MYO10: variants seen among roughly 807,000 people sequenced by gnomAD.
MYO10 encodes unconventional myosin-X.
A neutral mutation model predicts 257.3 loss-of-function variants in MYO10; 133 were observed. That is an observed-to-expected ratio of 0.52 (90% CI 0.45 to 0.60). The LOEUF is 0.60. Ranked by LOEUF, MYO10 falls within the 20% of genes least tolerant of loss-of-function variation. MYO10 has a pLI of 0.00. For missense variants in MYO10, 2,399 were observed against 2,635.7 expected, an observed-to-expected ratio of 0.91 and a Z score of 1.97; for synonymous variants, 1,104 against 1,028.6, an observed-to-expected ratio of 1.07 and a Z score of -1.40.
chr5:16,683,421 G>GAAGAAATGTC (rs1737100180), intron 30 of MYO10, among the ~76,000 whole-genome samples: 1 of 152,126 alleles, frequency 6.6e-6, no homozygotes. Flanking sequence ...TGCCAAGAAA[G>GAAGAAATGTC]AAGAAATGTC....
At chr5:16,715,387 T>C (rs996223281) in intron 19 of MYO10, among the ~76,000 whole-genome samples, 18 of 118,638 alleles carry the variant, frequency 1.5e-4, no homozygotes, top group African/African-American at 4.4e-4. Flanking sequence ...TGCCGTAAGA[T>C]TGAAATTTTT....
intron 2 of MYO10, among the ~76,000 whole-genome samples, chr5:16,852,524 G>A (rs1259671925): frequency 2.0e-5 from 3 of 151,476 alleles, no homozygotes; most frequent in Admixed American, 6.6e-5. Context: ...ATTTCTTAAC[G>A]GTTTTGTGAA....
rs140263353 is a variant in MYO10 at position 16,736,970 on chromosome 5, C to T, written c.1929+17858G>A. Among the ~76,000 whole-genome samples the T allele has an allele frequency of 4.4e-3, 664 of 152,208 alleles. 17 individuals carry two copies. The highest frequency in any genetic ancestry group is 0.036 in the Admixed American group (556 of 15,276). On this transcript the variant is annotated intron_variant, in intron 19 of 40. Coordinates refer to ENST00000513610, the MANE Select transcript of MYO10 (RefSeq NM_012334.3). Reference sequence around the variant, plus strand: ...CGTAAGAAAACACGACCAAAGTATGCCTACGAGATTTCATATTCAAATCAT... The same window carrying T: ...CGTAAGAAAACACGACCAAAGTATGTCTACGAGATTTCATATTCAAATCAT...
chr5:16,903,486 G>A (rs1342972476), intron 1 of MYO10, among the ~76,000 whole-genome samples: 9 of 152,270 alleles, frequency 5.9e-5, no homozygotes, highest in African/African-American at 1.9e-4. Context: ...ACTTGCCCAC[G>A]GTCCCAGAGC....
At chr5:16,811,084 A>G (rs1423802507) in intron 3 of MYO10, among the ~76,000 whole-genome samples, 2 of 151,520 alleles carry the variant, frequency 1.3e-5, no homozygotes, top group Non-Finnish European at 2.9e-5. Context: ...AAAAAAAAAA[A>G]ACAAAAAGAA....
chr5:16,761,959 A>G, intron 16 of MYO10, 86 bp downstream of exon 16: 2 of 1,370,626 alleles, frequency 1.5e-6, no homozygotes, highest in Non-Finnish European at 9.7e-7. Flanking sequence ...GCCCAGCCCA[A>G]TAAATTCATG....
At chr5:16,712,962 G>A (rs1369781175) in intron 19 of MYO10, among the ~76,000 whole-genome samples, 1 of 152,174 alleles carries the variant, frequency 6.6e-6, no homozygotes, top group Non-Finnish European at 1.5e-5. Flanking sequence ...GGGTTGGGGG[G>A]TGGCTGACTG....
Position 16,688,454 on chromosome 5 carries a change from C to T in MYO10, c.3896+1370G>A, listed in dbSNP as rs1427163455. ...GATGTTACCCTCGTAAATTAAAAGA[C>T]GTTCTCAGCCAGGAAGAGGCTCACG... On this transcript the variant is annotated intron_variant, in intron 28 of 40. Transcript: ENST00000513610. 7.2e-5 allele frequency among the ~76,000 whole-genome samples: 11 copies of T among 152,126 alleles called. No homozygotes were observed. In the East Asian group the frequency reaches 1.2e-3, roughly 16 times the overall value.
At chr5:16,824,257 C>G (rs191570540) in intron 2 of MYO10, among the ~76,000 whole-genome samples, 1 of 151,746 alleles carries the variant, frequency 6.6e-6, no homozygotes, top group Non-Finnish European at 1.5e-5. Context: ...TCCTCTCACA[C>G]TAGCTTGGCT....
chr5:16,753,280 C>A (rs1429384358), intron 19 of MYO10, among the ~76,000 whole-genome samples: 1 of 152,062 alleles, frequency 6.6e-6, no homozygotes, highest in African/African-American at 2.4e-5. Context: ...AATTCTCCTG[C>A]CTCAGCCTCC....
At position 16,694,627 on chromosome 5, in the gene MYO10, A is replaced by C; in HGVS notation, c.3557-13T>G. The stretch of plus-strand genomic sequence containing the variant: ...TTCATCAGGCCACCTGTTCCCCGTG[A>C]GATTGGGTAGAGAGGGGTGAAAGAA... On this transcript the variant is annotated splice_polypyrimidine_tract_variant and intron_variant, in intron 26 of 40. Coordinates refer to ENST00000513610, the MANE Select transcript of MYO10 (RefSeq NM_012334.3). 1 of 1,612,932 alleles carries C rather than the reference A, an allele frequency of 6.2e-7. No homozygotes were observed. Among genetic ancestry groups the C allele is most frequent in the Non-Finnish European group, 8.5e-7 (1 of 1,179,762 alleles).
rs1204149548 is a variant in MYO10 at position 16,823,446 on chromosome 5, CGCGG to C, written c.121-5283_121-5280del. 7.4e-3 allele frequency among the ~76,000 whole-genome samples: 31 copies of C among 4,192 alleles called. 3 individuals carry two copies. The highest frequency in any genetic ancestry group is 0.024 in the East Asian group (2 of 82). The allele number at this position is 4,192 out of a possible 152,430, so 2.8% of individuals were successfully genotyped here. A position where few individuals can be genotyped will look rare whatever the true frequency, so the allele number is the denominator to read the frequency against. On this transcript the variant is annotated intron_variant, in intron 2 of 40. Coordinates refer to ENST00000513610, the MANE Select transcript of MYO10 (RefSeq NM_012334.3). ...GATGACAGGGCAAGACTCCATCTTG[CGCGG>C]GGGGGGGGGGAGTGGGGATTTTTTT... is the stretch of plus-strand genomic sequence containing the variant.
intron 1 of MYO10, among the ~76,000 whole-genome samples, chr5:16,896,351 T>C (rs907773182): frequency 2.6e-5 from 4 of 152,010 alleles, no homozygotes; most frequent in Non-Finnish European, 5.9e-5. Flanking sequence ...ATCCCAGCAC[T>C]TTGGGAGGCC....
chr5:16,756,275 A>G (rs1175130252), intron 18 of MYO10, among the ~76,000 whole-genome samples: 1 of 152,150 alleles, frequency 6.6e-6, no homozygotes. Flanking sequence ...TATGTTGCCC[A>G]GGCTGGTCTC....
chr5:16,718,337 A>G (rs1290224013), intron 19 of MYO10, among the ~76,000 whole-genome samples: 4 of 152,222 alleles, frequency 2.6e-5, no homozygotes, highest in Non-Finnish European at 5.9e-5. Flanking sequence ...AAGGAATGCG[A>G]GCGCACGGCG....
At chr5:16,710,753 G>A in intron 21 of MYO10, 155 bp downstream of exon 21, 1 of 643,848 alleles carries the variant, frequency 1.6e-6, no homozygotes, top group Non-Finnish European at 2.7e-6. Context: ...GTAACTGTTT[G>A]GGAGACAAAA....
At chr5:16,753,581 G>C (rs1464355383) in intron 19 of MYO10, among the ~76,000 whole-genome samples, 2 of 147,402 alleles carry the variant, frequency 1.4e-5, no homozygotes, top group East Asian at 4.1e-4. Flanking sequence ...AGTGATTCTC[G>C]TGCCTCAGCC....
chr5:16,805,280 T>C (rs1027957381), intron 3 of MYO10, among the ~76,000 whole-genome samples: 7 of 151,766 alleles, frequency 4.6e-5, no homozygotes, highest in African/African-American at 1.5e-4. Context: ...CTGGCCAACA[T>C]GGTGAAACCC....
chr5:16,891,421 G>A (rs1480317322), intron 1 of MYO10, among the ~76,000 whole-genome samples: 1 of 151,604 alleles, frequency 6.6e-6, no homozygotes, highest in Non-Finnish European at 1.5e-5. Flanking sequence ...GCGGAGGGGA[G>A]AGGAGAAAAG....
Sources: gnomAD v4.1 joint callset for allele counts (sites outside exome capture counted in the v4.1 genomes callset) on GRCh38, gnomAD v4.1.1 for gene constraint, MANE v1.5 for transcripts, NCBI Gene and HGNC (gene_info 2026-07-23, HGNC 2026-07-21) for gene names.